Variants in SYCP2L observed in about 807,000 individuals in gnomAD.
SYCP2L encodes the protein synaptonemal complex protein 2 like, also known as synaptonemal complex protein 2-like.
Under a neutral mutation model 125.8 loss-of-function variants are expected in SYCP2L, and 98 were observed. That is an observed-to-expected ratio of 0.78 (90% CI 0.66 to 0.92). The LOEUF is 0.92. Ranked by LOEUF, SYCP2L falls within the 40% of genes least tolerant of loss-of-function variation. The pLI, the probability that SYCP2L is intolerant of heterozygous loss-of-function variation, is 0.00. For missense variants in SYCP2L, 842 were observed against 936.4 expected, an observed-to-expected ratio of 0.90 and a Z score of 1.32; for synonymous variants, 317 against 325.4, an observed-to-expected ratio of 0.97 and a Z score of 0.28.
At chr6:10,915,231 G>C (rs1455993483) in intron 14 of SYCP2L, among the ~76,000 whole-genome samples, 1 of 152,132 alleles carries the variant, frequency 6.6e-6, no homozygotes, top group African/African-American at 2.4e-5. Context: ...GGAATCTTTA[G>C]AGTTTTCTAG....
chr6:10,906,121 C>G (rs1182371599), intron 9 of SYCP2L, 67 bp downstream of exon 9: 2 of 901,302 alleles, frequency 2.2e-6, no homozygotes, highest in South Asian at 1.5e-5. Context: ...TTATGAGCAT[C>G]TTGGGACTAT....
intron 26 of SYCP2L, among the ~76,000 whole-genome samples, chr6:10,959,712 A>G (rs1380726972): frequency 6.6e-6 from 1 of 152,018 alleles, no homozygotes; most frequent in Non-Finnish European, 1.5e-5. Flanking sequence ...TCTACTAAAA[A>G]TAAAAAATTA....
intron 26 of SYCP2L, 88 bp from the exon 27 acceptor site, chr6:10,961,217 G>GT: frequency 9.7e-7 from 1 of 1,035,202 alleles, no homozygotes; most frequent in South Asian, 1.4e-5. Flanking sequence ...AGAGTCTGAA[G>GT]TATCCTTGTA....
chr6:10,924,302 A>G (rs779801800), intron 14 of SYCP2L, among the ~76,000 whole-genome samples, 194 bp from the exon 15 acceptor site: 2 of 152,232 alleles, frequency 1.3e-5, no homozygotes, highest in Non-Finnish European at 2.9e-5. Flanking sequence ...ATTGTGTTGT[A>G]TGTGTATATG....
At chr6:10,919,693 G>A (rs1218671506) in intron 14 of SYCP2L, among the ~76,000 whole-genome samples, 1 of 152,112 alleles carries the variant, frequency 6.6e-6, no homozygotes, top group African/African-American at 2.4e-5. Flanking sequence ...AGGATCATTG[G>A]GTGGGGGCAG....
chr6:10,926,278 TA>T, intron 15 of SYCP2L, 60 bp from the exon 16 acceptor site: 4 of 1,304,084 alleles, frequency 3.1e-6, no homozygotes, highest in Non-Finnish European at 4.4e-6. Context: ...ACGTTTTCCT[TA>T]AATTTTTTTT....
chr6:10,915,562 G>C (rs1780679552), intron 14 of SYCP2L, among the ~76,000 whole-genome samples: 1 of 152,160 alleles, frequency 6.6e-6, no homozygotes, highest in Admixed American at 6.5e-5. Flanking sequence ...TGCTTTTTCT[G>C]CATCTATTCA....
At chr6:10,927,466 A>G in intron 17 of SYCP2L, 99 bp downstream of exon 17, 2 of 885,518 alleles carry the variant, frequency 2.3e-6, no homozygotes, top group Non-Finnish European at 3.5e-6. Flanking sequence ...TCCAGGGGAG[A>G]CATCACATGT....
intron 20 of SYCP2L, among the ~76,000 whole-genome samples, chr6:10,932,083 A>C (rs1275657917): frequency 6.6e-6 from 1 of 151,244 alleles, no homozygotes; most frequent in Non-Finnish European, 1.5e-5. Flanking sequence ...ATTTCCTGCA[A>C]ATTTACTCTT....
At chr6:10,919,941 C>G (rs759361574) in intron 14 of SYCP2L, among the ~76,000 whole-genome samples, 1 of 152,156 alleles carries the variant, frequency 6.6e-6, no homozygotes, top group Non-Finnish European at 1.5e-5. Flanking sequence ...ACCCTCAAAA[C>G]CACCAAGTCT....
intron 20 of SYCP2L, among the ~76,000 whole-genome samples, chr6:10,933,066 A>G (rs904862278): frequency 6.6e-6 from 1 of 152,166 alleles, no homozygotes; most frequent in East Asian, 1.9e-4. Flanking sequence ...AGCTTAAAAA[A>G]TCGATAAATT....
At chr6:10,957,583 G>T (rs1313685851) in intron 25 of SYCP2L, among the ~76,000 whole-genome samples, 4 of 152,088 alleles carry the variant, frequency 2.6e-5, no homozygotes, top group African/African-American at 4.8e-5. Context: ...GAGGCCAAGG[G>T]GGGAGAATCG....
At chr6:10,939,318 T>G (rs1368280509) in intron 21 of SYCP2L, among the ~76,000 whole-genome samples, 1 of 152,188 alleles carries the variant, frequency 6.6e-6, no homozygotes, top group East Asian at 1.9e-4. Context: ...ATATACAGAT[T>G]CAATTCAACT....
At position 10,895,711 on chromosome 6, in the gene SYCP2L, C is replaced by T. The variant is rs556113602; in HGVS notation, c.336+1507C>T. Among the ~76,000 whole-genome samples the T allele has an allele frequency of 1.5e-4, 23 of 152,224 alleles. No individual in the cohort carries two copies. In the East Asian group the frequency reaches 3.7e-3, roughly 24 times the overall value. On this transcript the variant is annotated intron_variant, in intron 4 of 29. Coordinates refer to ENST00000283141, the MANE Select transcript of SYCP2L (RefSeq NM_001040274.3). ...ACCTCATCATATTCCACATCTCGAA[C>T]TCCCAACCTCAGATGATTCCCCTGC...
Position 10,934,651 on chromosome 6 carries a change from G to A in SYCP2L, c.1684-407G>A, listed in dbSNP as rs148373923. ...GTTGAGATCACACTACTGCACTCTAGCCTGGGTGACAGAGTGATTCCATCT... is the reference window on the plus strand; with the variant it reads ...GTTGAGATCACACTACTGCACTCTAACCTGGGTGACAGAGTGATTCCATCT... On this transcript the variant is annotated intron_variant, in intron 20 of 29. Coordinates refer to ENST00000283141, the MANE Select transcript of SYCP2L (RefSeq NM_001040274.3). 4.2e-4 allele frequency among the ~76,000 whole-genome samples: 64 copies of A among 152,340 alleles called. No individual in the cohort carries two copies. In the East Asian group the frequency reaches 0.012, roughly 28 times the overall value.
chr6:10,947,597 C>T (rs1781338118), intron 23 of SYCP2L, among the ~76,000 whole-genome samples: 2 of 151,932 alleles, frequency 1.3e-5, no homozygotes, highest in Non-Finnish European at 2.9e-5. Flanking sequence ...TATAAAATAA[C>T]CCTGTATCTG....
chr6:10,898,000 C>G lies in SYCP2L; in HGVS notation c.337-11C>G. 1 of 1,595,772 alleles carries G rather than the reference C, an allele frequency of 6.3e-7. No individual in the cohort carries two copies. The highest frequency in any genetic ancestry group is 8.6e-7 in the Non-Finnish European group (1 of 1,163,428). ...AGTCTTATGTAGTTACGTTAGTGTC[C>G]TCCTGTGTACCTAGTTTCCTGGTTT... On this transcript the variant is annotated splice_polypyrimidine_tract_variant and intron_variant, in intron 4 of 29. Transcript: ENST00000283141.
intron 1 of SYCP2L, among the ~76,000 whole-genome samples, chr6:10,887,497 C>T (rs558878830): frequency 1.9e-4 from 29 of 152,254 alleles, no homozygotes; most frequent in South Asian, 1.2e-3. Flanking sequence ...GTTAAGCAAC[C>T]CCAAGTGCTG....
intron 2 of SYCP2L, 70 bp downstream of exon 2, chr6:10,891,651 G>C: frequency 1.2e-6 from 1 of 816,250 alleles, no homozygotes; most frequent in East Asian, 3.0e-5. Context: ...GTGTGTGTGT[G>C]TGTGTGTGTG....
Sources: allele counts gnomAD v4.1 joint callset (sites outside exome capture counted in the v4.1 genomes callset), GRCh38; gene constraint gnomAD v4.1.1; transcripts MANE v1.5; gene names NCBI Gene and HGNC (gene_info 2026-07-23, HGNC 2026-07-21).